The following CTRB1 variants were observed in gnomAD, a reference collection of about 807,000 sequenced individuals.
CTRB1 encodes chymotrypsinogen B1, also known as chymotrypsinogen B.
Under a neutral mutation model 20.4 loss-of-function variants are expected in CTRB1, and 15 were observed. The observed-to-expected ratio is 0.74, with a 90% confidence interval of 0.49 to 1.13. The LOEUF (loss-of-function observed/expected upper bound fraction) is 1.13, where lower values mean the gene tolerates loss of function less well. Ranked by LOEUF, CTRB1 falls within the 50% of genes most tolerant of loss-of-function variation. CTRB1 has a pLI of 0.00. For missense variants in CTRB1, 227 were observed against 290.1 expected, an observed-to-expected ratio of 0.78 and a Z score of 1.58; for synonymous variants, 92 against 128.4, an observed-to-expected ratio of 0.72 and a Z score of 1.92.
intron 1 of CTRB1, 140 bp downstream of exon 1, chr16:75,219,199 G>C (rs895872464): frequency 2.4e-6 from 2 of 828,048 alleles, no homozygotes; most frequent in African/African-American, 1.7e-5. Flanking sequence ...GTGCATTCTG[G>C]GGCTTTCTGA....
At chr16:75,220,495 T>C (rs970234612) in intron 1 of CTRB1, among the ~76,000 whole-genome samples, 1 of 152,148 alleles carries the variant, frequency 6.6e-6, no homozygotes, top group South Asian at 2.1e-4. Context: ...GGGGTCTTAT[T>C]ATGTTGTCCA....
Position 75,224,142 on chromosome 16 carries a change from CCGA to C in CTRB1, c.587_589del (p.Asp196del). ...AAGAAGTCCTGGGGCAGGAGGATCA[CCGA>C]CGTGATGATCTGTGCCGGGGCCAGT... On this transcript the variant is annotated inframe_deletion, in exon 6 of 7. Transcript: ENST00000361017. The C allele has an allele frequency of 6.8e-7, 1 of 1,466,476 alleles. No individual in the cohort carries two copies. Among genetic ancestry groups the C allele is most frequent in the Non-Finnish European group, 9.2e-7 (1 of 1,081,110 alleles). The allele number at this position is 1,466,476 out of a possible 1,614,324, so 90.8% of individuals were successfully genotyped here. A position where few individuals can be genotyped will look rare whatever the true frequency, so the allele number is the denominator to read the frequency against.
intron 1 of CTRB1, 134 bp from the exon 2 acceptor site, chr16:75,222,634 C>G: frequency 1.1e-6 from 1 of 928,080 alleles, no homozygotes; most frequent in South Asian, 1.8e-5. Flanking sequence ...ACCAGGGAGG[C>G]GGAGGCGGCA....
Position 75,220,833 on chromosome 16 carries a change from A to C in CTRB1, c.52+1774A>C, listed in dbSNP as rs1260693741. 2.0e-5 allele frequency among the ~76,000 whole-genome samples: 3 copies of C among 151,950 alleles called. No individual in the cohort carries two copies. In the South Asian group the frequency reaches 6.3e-4, roughly 32 times the overall value. On this transcript the variant is annotated intron_variant, in intron 1 of 6. Transcript: ENST00000361017. ...GAGTGCAGTGGCATGATTTCGGCTC[A>C]CTGCAACCTCCACCTCCCAGGTTCA...
Position 75,224,167 on chromosome 16 carries a change from C to T in CTRB1, c.609C>T (p.Ala203=). The change falls in exon 6 of 7, where the codon GCC becomes GCT. Residue 203 remains alanine (A), a synonymous_variant. Transcript: ENST00000361017. ...CCGACGTGATGATCTGTGCCGGGGCCAGTGGCGTCTCCTCCTGCATGGTGA... is the reference window on the plus strand; with the variant it reads ...CCGACGTGATGATCTGTGCCGGGGCTAGTGGCGTCTCCTCCTGCATGGTGA... ...RITDVMICAG[A]SGVSSCMGDS... is the part of the protein sequence containing the mutation. 4 of 1,481,872 alleles carry T rather than the reference C, an allele frequency of 2.7e-6. No homozygotes were observed. The highest frequency in any genetic ancestry group is 3.6e-6 in the Non-Finnish European group (4 of 1,104,692). The allele number at this position is 1,481,872 out of a possible 1,614,324, so 91.8% of individuals were successfully genotyped here. A position where few individuals can be genotyped will look rare whatever the true frequency, so the allele number is the denominator to read the frequency against.
At chr16:75,221,692 C>T (rs146420751) in intron 1 of CTRB1, among the ~76,000 whole-genome samples, 3,194 of 151,484 alleles carry the variant, frequency 0.021, 52 homozygotes, top group Admixed American at 0.032. Context: ...AAACCAAGAC[C>T]GGATATATGG....
chr16:75,222,735 G>T (rs2076703485), intron 1 of CTRB1, 33 bp from the exon 2 acceptor site: 2 of 1,542,806 alleles, frequency 1.3e-6, no homozygotes, highest in Non-Finnish European at 1.8e-6. Flanking sequence ...TGGGTTTGGG[G>T]CCTCAGCCCT....
chr16:75,222,493 C>A, intron 1 of CTRB1: 1 of 531,286 alleles, frequency 1.9e-6, no homozygotes. Context: ...AGTCTTACAG[C>A]CCGGCCTGTT....
chr16:75,219,076 G>A lies in CTRB1; in HGVS notation c.52+17G>A, dbSNP rs758712370. ...CCGCCTTTGGTGAGTGCTGGTGCCC[G>A]AGGGGTCTGTCCTGAGGGAGCCCTG... On this transcript the variant is annotated intron_variant, in intron 1 of 6. Transcript: ENST00000361017. The A allele has an allele frequency of 3.7e-5, 59 of 1,579,982 alleles. No homozygotes were observed. The highest frequency in any genetic ancestry group is 1.6e-4 in the East Asian group (7 of 43,800).
Position 75,222,763 on chromosome 16 carries a change from C to G in CTRB1, c.53-5C>G, listed in dbSNP as rs535281828. 1.8e-4 allele frequency: 287 copies of G among 1,557,226 alleles called. 1 individual carries two copies. The highest frequency in any genetic ancestry group is 2.2e-4 in the Non-Finnish European group (256 of 1,149,776). On this transcript the variant is annotated splice_polypyrimidine_tract_variant and splice_region_variant and intron_variant, in intron 1 of 6. Coordinates refer to ENST00000361017, the MANE Select transcript of CTRB1 (RefSeq NM_001906.6). ...TCAGCCCTTATTCACCCCACTCCCC[C>G]CCAGGCTGCGGGGTCCCCGCCATCC...
chr16:75,221,142 G>A (rs1031127639), intron 1 of CTRB1, among the ~76,000 whole-genome samples: 4 of 151,442 alleles, frequency 2.6e-5, no homozygotes, highest in African/African-American at 7.3e-5. Context: ...GTAAGCAGGC[G>A]AATATGACCC....
chr16:75,224,704 G>A lies in CTRB1; in HGVS notation c.631-1G>A, dbSNP rs2076721882. The A allele has an allele frequency of 6.2e-7, 1 of 1,608,464 alleles. No homozygotes were observed. Among genetic ancestry groups the A allele is most frequent in the Admixed American group, 1.7e-5 (1 of 58,732 alleles). ...CAAGCCCCCTTCTCCCTCTCCCACA[G>A]GGCGACTCTGGCGGCCCCCTGGTCT... On this transcript the variant is annotated splice_acceptor_variant, in intron 6 of 6. Transcript: ENST00000361017. LOFTEE classifies it high-confidence loss of function.
At chr16:75,219,611 T>C (rs1437236300) in intron 1 of CTRB1, among the ~76,000 whole-genome samples, 1 of 152,166 alleles carries the variant, frequency 6.6e-6, no homozygotes, top group Non-Finnish European at 1.5e-5. Context: ...CTTGAACTCC[T>C]GACCTCAGGT....
In CTRB1 at chr16:75,224,200, C is replaced by T; in HGVS notation, c.630+12C>T. The T allele has an allele frequency of 7.0e-7, 1 of 1,424,362 alleles. No homozygotes were observed. Among genetic ancestry groups the T allele is most frequent in the South Asian group, 1.4e-5 (1 of 69,568 alleles). 88.2% of individuals were successfully genotyped at this position (1,424,362 alleles called of 1,614,324 possible). ...TCTCCTCCTGCATGGTGAGGCTGGC[C>T]CTGCCCAGGCCCTGGCCAGGCGAGC... On this transcript the variant is annotated intron_variant, in intron 6 of 6. Transcript: ENST00000361017.
At chr16:75,220,607 ACTCCATTCTAC>A (rs750664135) in intron 1 of CTRB1, among the ~76,000 whole-genome samples, 1 of 151,974 alleles carries the variant, frequency 6.6e-6, no homozygotes, top group South Asian at 2.1e-4. Flanking sequence ...TGTAACTAAT[ACTCCATTCTAC>A]CTCCATTCTA....
chr16:75,220,338 C>T (rs1285321593), intron 1 of CTRB1, among the ~76,000 whole-genome samples: 3 of 152,128 alleles, frequency 2.0e-5, no homozygotes, highest in African/African-American at 7.2e-5. Context: ...CATGCATCAC[C>T]ACACCTGGCT....
In CTRB1 at chr16:75,224,064, C is replaced by T. The variant is rs781328715; in HGVS notation, c.506C>T (p.Thr169Ile). 1.8e-6 allele frequency: 2 copies of T among 1,126,558 alleles called. No individual in the cohort carries two copies. Among genetic ancestry groups the T allele is most frequent in the South Asian group, 3.0e-5 (2 of 66,776 alleles). The allele number at this position is 1,126,558 out of a possible 1,614,324, so 69.8% of individuals were successfully genotyped here. A position where few individuals can be genotyped will look rare whatever the true frequency, so the allele number is the denominator to read the frequency against. ...WGKTKYNANK[T>I]PDKLQQAALP... is the part of the protein sequence containing the mutation. ...TCCTCCTGTCCTGCAGCCAACAAGA[C>T]CCCTGACAAGCTGCAGCAGGCAGCC... The change falls in exon 6 of 7, where the codon ACC becomes ATC. Residue 169 changes from threonine to isoleucine, a missense_variant. By Grantham distance (89) the Thr-to-Ile change is moderately conservative. Transcript: ENST00000361017.
intron 1 of CTRB1, among the ~76,000 whole-genome samples, chr16:75,221,386 G>C (rs2039081791): frequency 6.6e-6 from 1 of 151,810 alleles, no homozygotes; most frequent in Admixed American, 6.6e-5. Context: ...TTGAGATGGA[G>C]TTTGGCTCTG....
rs373866108 is a variant in CTRB1, at chr16:75,224,873, G to A, written c.*7G>A. 2.2e-5 allele frequency: 36 copies of A among 1,613,360 alleles called. No individual in the cohort carries two copies. The African/African-American group carries it at 3.3e-4, about 15-fold the overall frequency. On this transcript the variant is annotated 3_prime_UTR_variant, in exon 7 of 7. Coordinates refer to ENST00000361017, the MANE Select transcript of CTRB1 (RefSeq NM_001906.6). ...GATCCTGGCTGCCAACTGAGCCCGC[G>A]GCTCCCTCCGACCCTGCTCCCCACA... is the stretch of plus-strand genomic sequence containing the variant.
Sources: allele counts gnomAD v4.1 joint callset (sites outside exome capture counted in the v4.1 genomes callset), GRCh38; gene constraint gnomAD v4.1.1; transcripts MANE v1.5; gene names NCBI Gene and HGNC (gene_info 2026-07-23, HGNC 2026-07-21).